ZNF385D: variants seen among roughly 807,000 people sequenced by gnomAD.
ZNF385D encodes zinc finger protein 659.
A neutral mutation model predicts 35.8 loss-of-function variants in ZNF385D; 15 were observed. The ratio of observed to expected loss-of-function variants is 0.42; its 90% CI spans 0.28 to 0.64. The LOEUF (loss-of-function observed/expected upper bound fraction) is 0.64. Among genes scored for constraint, ZNF385D ranks in the 30% least tolerant of loss-of-function variants. ZNF385D has a pLI of 0.23. For missense variants in ZNF385D, 474 were observed against 494.6 expected (o/e 0.96, Z 0.39); for synonymous variants, 212 against 186.8 (o/e 1.13, Z -1.10).
chr3:22,166,908 T>C (rs1217413804), intron 3 of ZNF385D, among the ~76,000 whole-genome samples: 1 of 152,244 alleles, frequency 6.6e-6, no homozygotes, highest in African/African-American at 2.4e-5. Context: ...AGAAAACAAC[T>C]TGGAATTGAA....
chr3:22,313,921 T>G (rs1016750676), intron 2 of ZNF385D, among the ~76,000 whole-genome samples: 3 of 152,100 alleles, frequency 2.0e-5, no homozygotes, highest in African/African-American at 7.2e-5. Flanking sequence ...TGCTTCTTCA[T>G]TTTGGCTCTC....
intron 3 of ZNF385D, among the ~76,000 whole-genome samples, chr3:21,942,168 T>A (rs573921326): frequency 2.6e-5 from 4 of 152,236 alleles, no homozygotes; most frequent in African/African-American, 9.6e-5. Context: ...GCGTAATTTT[T>A]AAAATTTCTG....
chr3:21,944,894 T>C (rs184181302), intron 3 of ZNF385D, among the ~76,000 whole-genome samples: 10 of 152,128 alleles, frequency 6.6e-5, no homozygotes, highest in Non-Finnish European at 1.5e-5. Flanking sequence ...AATACCTTCA[T>C]CTTCATTTTA....
intron 3 of ZNF385D, among the ~76,000 whole-genome samples, chr3:21,556,053 G>GTTTTTTT (rs1209768767): frequency 9.0e-6 from 1 of 110,788 alleles, no homozygotes; most frequent in African/African-American, 3.4e-5. Flanking sequence ...ACTTTTTGAC[G>GTTTTTTT]TTTTTTTTGT....
chr3:21,851,473 G>A (rs1696384523), intron 3 of ZNF385D, among the ~76,000 whole-genome samples: 1 of 151,924 alleles, frequency 6.6e-6, no homozygotes, highest in Non-Finnish European at 1.5e-5. Flanking sequence ...GTACATGAAT[G>A]TTCACAGAAC....
chr3:21,712,096 A>G (rs2068131670), intron 1 of ZNF385D, among the ~76,000 whole-genome samples: 1 of 110,414 alleles, frequency 9.1e-6, no homozygotes, highest in Non-Finnish European at 1.9e-5. Context: ...CTACCACCAC[A>G]GCCCTTTCCC....
chr3:21,843,681 A>C (rs1695820673), intron 3 of ZNF385D, among the ~76,000 whole-genome samples: 1 of 152,034 alleles, frequency 6.6e-6, no homozygotes, highest in Admixed American at 6.6e-5. Context: ...TATTAAAGTC[A>C]GAAGATGATA....
intron 3 of ZNF385D, among the ~76,000 whole-genome samples, chr3:21,912,199 CTTAAAA>C (rs1385602936): frequency 2.0e-5 from 3 of 151,892 alleles, no homozygotes; most frequent in Non-Finnish European, 4.4e-5. Context: ...CAAGACTTGT[CTTAAAA>C]TTATTCAGCC....
chr3:21,940,605 G>A (rs1256130046), intron 3 of ZNF385D, among the ~76,000 whole-genome samples: 1 of 151,992 alleles, frequency 6.6e-6, no homozygotes, highest in East Asian at 1.9e-4. Flanking sequence ...TGCTATCAAG[G>A]AACTTAGATT....
chr3:22,109,702 G>A (rs991468257), intron 3 of ZNF385D, among the ~76,000 whole-genome samples: 2 of 152,024 alleles, frequency 1.3e-5, no homozygotes, highest in Non-Finnish European at 2.9e-5. Flanking sequence ...ATATATTTAG[G>A]ATAGTTCAAC....
intron 3 of ZNF385D, among the ~76,000 whole-genome samples, chr3:22,077,080 C>T (rs573316794): frequency 6.6e-6 from 1 of 151,876 alleles, no homozygotes; most frequent in South Asian, 2.1e-4. Context: ...CCATAATAAC[C>T]ATATTTAAGG....
At position 21,757,120 on chromosome 3, in the gene ZNF385D, C is replaced by CTTTTTTTTTTTTTTTTTTTTTTTTTT. The variant is rs61226426; in HGVS notation, c.326-92093_326-92092insAAAAAAAAAAAAAAAAAAAAAAAAAA. Among the ~76,000 whole-genome samples, 21 of 106,416 alleles carry CTTTTTTTTTTTTTTTTTTTTTTTTTT rather than the reference C, an allele frequency of 2.0e-4. 2 individuals are homozygous for CTTTTTTTTTTTTTTTTTTTTTTTTTT. The highest frequency in any genetic ancestry group is 4.3e-4 in the African/African-American group (12 of 27,914). 69.8% of individuals were successfully genotyped at this position (106,416 alleles called of 152,430 possible). On this transcript the variant is annotated intron_variant, in intron 3 of 5. Transcript: ENST00000494108. ...CTTTGGAGACATATGATAAATTTCT[C>CTTTTTTTTTTTTTTTTTTTTTTTTTT]TTTTTTTTTTTTTTTTTTTGTTTTC... is the stretch of plus-strand genomic sequence containing the variant.
At chr3:22,066,332 T>TCTGTA (rs1699948579) in intron 3 of ZNF385D, among the ~76,000 whole-genome samples, 1 of 86,786 alleles carries the variant, frequency 1.2e-5, no homozygotes, top group African/African-American at 6.2e-5. Flanking sequence ...GTGTGTGTAT[T>TCTGTA]AGTAAAAAGA....
At chr3:21,691,039 GT>G (rs2067266896) in intron 1 of ZNF385D, among the ~76,000 whole-genome samples, 2 of 152,122 alleles carry the variant, frequency 1.3e-5, no homozygotes, top group East Asian at 3.9e-4. Flanking sequence ...TCTCTTCTCG[GT>G]CTTTCAACCC....
intron 2 of ZNF385D, among the ~76,000 whole-genome samples, chr3:22,282,499 T>C (rs1416829859): frequency 1.3e-5 from 2 of 152,086 alleles, no homozygotes; most frequent in Non-Finnish European, 2.9e-5. Flanking sequence ...CCAAAGATCA[T>C]TCAGGAGCAG....
At chr3:21,931,689 G>A (rs1271127108) in intron 3 of ZNF385D, among the ~76,000 whole-genome samples, 1 of 152,120 alleles carries the variant, frequency 6.6e-6, no homozygotes, top group Admixed American at 6.5e-5. Flanking sequence ...CTTCGGCTGG[G>A]GTGAGACCAG....
At chr3:21,578,184 T>C (rs1422480462) in intron 2 of ZNF385D, among the ~76,000 whole-genome samples, 1 of 152,178 alleles carries the variant, frequency 6.6e-6, no homozygotes, top group Non-Finnish European at 1.5e-5. Context: ...GATTAATTTT[T>C]TGCTGTCAAG....
intron 3 of ZNF385D, among the ~76,000 whole-genome samples, chr3:21,911,946 TAA>T (rs1287642221): frequency 2.6e-5 from 4 of 151,920 alleles, no homozygotes; most frequent in African/African-American, 4.8e-5. Context: ...AAAATAAGCT[TAA>T]GAGTGATCTA....
At chr3:21,526,454 G>A (rs888432178) in intron 3 of ZNF385D, among the ~76,000 whole-genome samples, 1 of 152,132 alleles carries the variant, frequency 6.6e-6, no homozygotes, top group Non-Finnish European at 1.5e-5. Flanking sequence ...ATGCGGCAAT[G>A]TTTCTGCCTG....
Sources: gnomAD v4.1 joint callset for allele counts (sites outside exome capture counted in the v4.1 genomes callset) on GRCh38, gnomAD v4.1.1 for gene constraint, MANE v1.5 for transcripts, NCBI Gene and HGNC (gene_info 2026-07-23, HGNC 2026-07-21) for gene names.